The following NRXN2 variants were observed in gnomAD, a reference collection of about 807,000 sequenced individuals.
NRXN2 encodes neurexin-2-beta.
A neutral mutation model predicts 128.8 loss-of-function variants in NRXN2; 29 were observed. The ratio of observed to expected loss-of-function variants is 0.23; its 90% CI spans 0.17 to 0.31. The LOEUF is 0.31. Ranked by LOEUF, NRXN2 falls within the 10% of genes least tolerant of loss-of-function variation. The pLI, the probability that NRXN2 is intolerant of heterozygous loss-of-function variation, is 1.00. For missense variants in NRXN2, 1,881 were observed against 2,452.6 expected (o/e 0.77, Z 4.92); for synonymous variants, 1,098 against 1,075.2 (o/e 1.02, Z -0.41).
intron 4 of NRXN2, among the ~76,000 whole-genome samples, chr11:64,691,311 CT>C (rs1054331836): frequency 2.0e-5 from 3 of 152,232 alleles, no homozygotes; most frequent in African/African-American, 7.2e-5. Flanking sequence ...ATCAGCAGCA[CT>C]TAGGCCTCAG....
Position 64,623,872 on chromosome 11 carries a change from C to T in NRXN2, c.3848-794G>A, listed in dbSNP as rs903754152. The T allele has an allele frequency of 6.6e-6, 1 of 152,392 alleles. No individual in the cohort carries two copies. The highest frequency in any genetic ancestry group is 1.5e-5 in the Non-Finnish European group (1 of 68,162). 9.4% of individuals were successfully genotyped at this position (152,392 alleles called of 1,614,324 possible). On this transcript the variant is annotated intron_variant, in intron 20 of 22. Transcript: ENST00000265459. This position sits in a 1 kb window ranked among gnomAD's most constrained non-coding sequence, Gnocchi z 4.9. ...ACCCGCTCCAGCTCCAATCTCACCCCACACTCCAGTATGACACCTCAGAAT... is the reference window on the plus strand; with the variant it reads ...ACCCGCTCCAGCTCCAATCTCACCCTACACTCCAGTATGACACCTCAGAAT...
rs888882206 is a variant in NRXN2 at position 64,606,770 on chromosome 11, G to A, written c.*426C>T. On this transcript the variant is annotated 3_prime_UTR_variant, in exon 23 of 23. Transcript: ENST00000265459. ...AGCAAGCCTGGGATGGGGATTGGAG[G>A]GCTTGGGAAGAGAAGGAAGGCAGGA... 2.2e-5 allele frequency: 4 copies of A among 182,500 alleles called. No homozygotes were observed. Among genetic ancestry groups the A allele is most frequent in the Non-Finnish European group, 4.7e-5 (4 of 85,634 alleles). The allele number at this position is 182,500 out of a possible 1,614,324, so 11.3% of individuals were successfully genotyped here.
In NRXN2 at chr11:64,711,107, C is replaced by T. The variant is rs541016935; in HGVS notation, c.730+1863G>A. On this transcript the variant is annotated intron_variant, in intron 2 of 22. Coordinates refer to ENST00000265459, the MANE Select transcript of NRXN2 (RefSeq NM_015080.4). ...GGCAAACGACTCTCCCAAGTGCAGA[C>T]TTCCCACACCCAGGGCCACACCTGC... is the stretch of plus-strand genomic sequence containing the variant. Among the ~76,000 whole-genome samples, 9 of 152,350 alleles carry T rather than the reference C, an allele frequency of 5.9e-5. No homozygotes were observed. In the South Asian group the frequency reaches 1.7e-3, roughly 28 times the overall value.
intron 5 of NRXN2, among the ~76,000 whole-genome samples, chr11:64,686,421 G>T (rs533659253): frequency 6.6e-6 from 1 of 152,144 alleles, no homozygotes; most frequent in Admixed American, 6.5e-5. Flanking sequence ...CTCCTCCAGC[G>T]ATGGCCAATC....
chr11:64,607,665 G>A lies in NRXN2; in HGVS notation c.4670C>T (p.Ala1557Val), dbSNP rs1402150396. 2.0e-6 allele frequency: 3 copies of A among 1,528,706 alleles called. No individual in the cohort carries two copies. The South Asian group carries it at 3.6e-5, about 18-fold the overall frequency. The allele number at this position is 1,528,706 out of a possible 1,614,324, so 94.7% of individuals were successfully genotyped here. The change falls in exon 23 of 23, where the codon GCC becomes GTC. Residue 1557 changes from alanine (A) to valine (V), a missense_variant. Transcript: ENST00000265459. The stretch of plus-strand genomic sequence containing the variant: ...CATTTTGCCCGCCGGCAGGTTGGGG[G>A]CCGGGGCGGAGGGGGCAAACAGCAC... The part of the protein sequence containing the change: ...PGVLFAPSAP[A>V]PNLPAGKMNH...
intron 19 of NRXN2, among the ~76,000 whole-genome samples, chr11:64,627,651 A>T (rs1466109372): frequency 6.6e-6 from 1 of 151,900 alleles, no homozygotes; most frequent in Non-Finnish European, 1.5e-5. Flanking sequence ...AATGTGTGTG[A>T]ATGTGTGTGT....
chr11:64,633,760 C>T (rs1488045280), intron 18 of NRXN2, among the ~76,000 whole-genome samples: 1 of 152,170 alleles, frequency 6.6e-6, no homozygotes, highest in East Asian at 1.9e-4. Flanking sequence ...CATCCAGTCC[C>T]ACACTGTCGT....
chr11:64,609,519 C>T (rs1450110825), intron 22 of NRXN2, among the ~76,000 whole-genome samples: 1 of 152,208 alleles, frequency 6.6e-6, no homozygotes, highest in East Asian at 1.9e-4. Flanking sequence ...GCAGAAACTG[C>T]AATTCCCATC....
At chr11:64,643,115 C>T (rs1487295718) in intron 17 of NRXN2, 12 of 963,522 alleles carry the variant, frequency 1.2e-5, no homozygotes, top group Admixed American at 1.5e-4. Context: ...GGGGAGCGCC[C>T]GGGGGAGGGG....
At chr11:64,616,366 A>C (rs1308814181) in intron 22 of NRXN2, among the ~76,000 whole-genome samples, 2 of 152,194 alleles carry the variant, frequency 1.3e-5, no homozygotes, top group East Asian at 3.8e-4. Flanking sequence ...ACACATGTGC[A>C]CTGTGGTGGG....
intron 11 of NRXN2, chr11:64,659,713 C>A (rs1178571915): frequency 6.4e-6 from 1 of 156,750 alleles, no homozygotes; most frequent in Non-Finnish European, 1.4e-5. Context: ...GTTTGGTGAT[C>A]TAGTGTCTTC....
chr11:64,682,273 G>C (rs1014935913), intron 6 of NRXN2, among the ~76,000 whole-genome samples: 4 of 151,606 alleles, frequency 2.6e-5, no homozygotes, highest in African/African-American at 7.3e-5. Flanking sequence ...TCCATCATTG[G>C]GGGACTCCAT....
chr11:64,629,265 G>A (rs960334316), intron 19 of NRXN2, among the ~76,000 whole-genome samples: 6 of 152,062 alleles, frequency 3.9e-5, no homozygotes, highest in Admixed American at 1.3e-4. Context: ...CTGCAATGTC[G>A]CTCAGACTGT....
intron 9 of NRXN2, chr11:64,661,413 C>T (rs1029764135): frequency 1.7e-5 from 23 of 1,368,402 alleles, no homozygotes; most frequent in Non-Finnish European, 2.2e-5. Flanking sequence ...TCCTCCCCAC[C>T]TCAGCAAGTC....
intron 17 of NRXN2, chr11:64,642,862 C>T: frequency 2.0e-6 from 2 of 1,002,158 alleles, no homozygotes; most frequent in South Asian, 4.7e-5. Flanking sequence ...CGCGGGGCTG[C>T]GCAGCCCCGC....
intron 3 of NRXN2, among the ~76,000 whole-genome samples, chr11:64,694,825 C>CCACCCTTG (rs2054279306): frequency 6.6e-6 from 1 of 152,172 alleles, no homozygotes; most frequent in Admixed American, 6.5e-5. Context: ...TCTCAGGATC[C>CCACCCTTG]CACCCTTGAG....
At chr11:64,703,890 G>A (rs560665059) in intron 2 of NRXN2, among the ~76,000 whole-genome samples, 58 of 152,318 alleles carry the variant, frequency 3.8e-4, no homozygotes, top group African/African-American at 1.1e-3. Flanking sequence ...ATCTTACAGA[G>A]TAGGACGTTG....
chr11:64,635,217 C>G lies in NRXN2; in HGVS notation c.3585+54G>C. On this transcript the variant is annotated intron_variant, in intron 18 of 22. Transcript: ENST00000265459. This position sits in a 1 kb window ranked among gnomAD's most constrained non-coding sequence, Gnocchi z 4.8. ...GATCCCATGGCAATGAGGGGCTGAA[C>G]TGATTTGGGAGCAGGAAGCTTGAGG... 6.2e-7 allele frequency: 1 copy of G among 1,600,028 alleles called. No individual in the cohort carries two copies. The highest frequency in any genetic ancestry group is 1.1e-5 in the South Asian group (1 of 90,710).
At chr11:64,709,107 G>A (rs905433877) in intron 2 of NRXN2, among the ~76,000 whole-genome samples, 2 of 150,776 alleles carry the variant, frequency 1.3e-5, no homozygotes, top group Non-Finnish European at 1.5e-5. Flanking sequence ...CAGGAGAATC[G>A]CTTGAGCCCA....
Sources: allele counts gnomAD v4.1 joint callset (sites outside exome capture counted in the v4.1 genomes callset), GRCh38; gene constraint gnomAD v4.1.1; non-coding constraint Gnocchi (gnomAD v3.1); transcripts MANE v1.5; gene names NCBI Gene and HGNC (gene_info 2026-07-23, HGNC 2026-07-21).